CACNA2D3: variants seen among roughly 807,000 people sequenced by gnomAD.
CACNA2D3 encodes the protein calcium voltage-gated channel auxiliary subunit alpha2delta 3.
Under a neutral mutation model 160.6 loss-of-function variants are expected in CACNA2D3, and 60 were observed. The observed-to-expected ratio is 0.37, with a 90% confidence interval of 0.30 to 0.46. CACNA2D3 has a LOEUF of 0.46. Among genes scored for constraint, CACNA2D3 ranks in the 20% least tolerant of loss-of-function variants. The pLI is 1.00. For synonymous variants in CACNA2D3, 558 were observed against 492.9 expected, an observed-to-expected ratio of 1.13 and a Z score of -1.75; for missense variants, 1,205 against 1,365.0, an observed-to-expected ratio of 0.88 and a Z score of 1.85.
At chr3:54,944,250 A>G (rs114512436) in intron 27 of CACNA2D3, among the ~76,000 whole-genome samples, 2,173 of 152,138 alleles carry the variant, frequency 0.014, 52 homozygotes, top group African/African-American at 0.049. Flanking sequence ...TTAGAAATGC[A>G]TATCCTTCAG....
At chr3:54,134,079 T>C (rs1699769632) in intron 2 of CACNA2D3, among the ~76,000 whole-genome samples, 1 of 152,236 alleles carries the variant, frequency 6.6e-6, no homozygotes, top group African/African-American at 2.4e-5. Flanking sequence ...TTATTGGTGC[T>C]TATTTTTTTT....
chr3:54,802,195 G>C (rs1703006811), intron 13 of CACNA2D3, among the ~76,000 whole-genome samples: 1 of 152,122 alleles, frequency 6.6e-6, no homozygotes. Context: ...CACTCAATTA[G>C]GGATTATGGA....
At chr3:54,187,883 C>T (rs1321856853) in intron 2 of CACNA2D3, among the ~76,000 whole-genome samples, 3 of 152,144 alleles carry the variant, frequency 2.0e-5, no homozygotes, top group Non-Finnish European at 4.4e-5. Context: ...TGCCCCTGCT[C>T]TGTGGCCGGG....
At chr3:54,230,058 G>A (rs1309189249) in intron 2 of CACNA2D3, among the ~76,000 whole-genome samples, 7 of 149,706 alleles carry the variant, frequency 4.7e-5, no homozygotes, top group African/African-American at 1.5e-4. Flanking sequence ...TTAAGTTTAA[G>A]CAAAAAAGGA....
intron 9 of CACNA2D3, among the ~76,000 whole-genome samples, chr3:54,612,879 A>G (rs994391480): frequency 1.8e-4 from 27 of 152,222 alleles, no homozygotes; most frequent in African/African-American, 5.3e-4. Flanking sequence ...TATTACCCCC[A>G]CAGTCCTACA....
At chr3:54,301,794 A>T (rs374260065) in intron 2 of CACNA2D3, among the ~76,000 whole-genome samples, 3 of 152,270 alleles carry the variant, frequency 2.0e-5, no homozygotes, top group East Asian at 3.9e-4. Flanking sequence ...GGAGGAAGAG[A>T]GTAGATGATT....
chr3:54,468,064 G>A (rs368676137), intron 4 of CACNA2D3, among the ~76,000 whole-genome samples: 4 of 152,044 alleles, frequency 2.6e-5, no homozygotes, highest in African/African-American at 9.7e-5. Flanking sequence ...AATAATAGAA[G>A]TACTGCCTAG....
At chr3:54,354,784 G>A (rs1698621232) in intron 3 of CACNA2D3, among the ~76,000 whole-genome samples, 1 of 152,182 alleles carries the variant, frequency 6.6e-6, no homozygotes, top group African/African-American at 2.4e-5. Context: ...CTGAGCTTGA[G>A]TGGGATTCCA....
chr3:54,258,953 A>G (rs1275816595), intron 2 of CACNA2D3, among the ~76,000 whole-genome samples: 1 of 152,194 alleles, frequency 6.6e-6, no homozygotes. Context: ...TCTCTGCCAT[A>G]CTGGACTGAG....
chr3:54,146,150 C>G (rs1700026458), intron 2 of CACNA2D3, among the ~76,000 whole-genome samples: 1 of 152,320 alleles, frequency 6.6e-6, no homozygotes, highest in South Asian at 2.1e-4. Context: ...TTCCTGCAGC[C>G]TTGACTTCTG....
chr3:54,907,211 G>T (rs573346008), intron 27 of CACNA2D3, among the ~76,000 whole-genome samples: 6 of 152,174 alleles, frequency 3.9e-5, no homozygotes, highest in African/African-American at 1.4e-4. Context: ...GGACATAAAA[G>T]ACAGTGTGAA....
At chr3:54,679,439 A>C (rs1022864416) in intron 11 of CACNA2D3, among the ~76,000 whole-genome samples, 1 of 152,136 alleles carries the variant, frequency 6.6e-6, no homozygotes, top group African/African-American at 2.4e-5. Flanking sequence ...GCGACTGAGC[A>C]CTCCATATCC....
chr3:54,263,118 C>T (rs559885701), intron 2 of CACNA2D3, among the ~76,000 whole-genome samples: 1 of 152,268 alleles, frequency 6.6e-6, no homozygotes, highest in African/African-American at 2.4e-5. Flanking sequence ...ACAAATGAAG[C>T]ACATGCTATG....
intron 9 of CACNA2D3, among the ~76,000 whole-genome samples, chr3:54,622,228 G>T (rs1699003138): frequency 6.6e-6 from 1 of 152,168 alleles, no homozygotes; most frequent in African/African-American, 2.4e-5. Context: ...TTGGTAAATG[G>T]TATAACCAGC....
At chr3:54,185,863 C>T (rs963949959) in intron 2 of CACNA2D3, among the ~76,000 whole-genome samples, 2 of 152,198 alleles carry the variant, frequency 1.3e-5, no homozygotes, top group East Asian at 3.8e-4. Flanking sequence ...CCCTGCTGTT[C>T]CTCTGGAGGT....
At chr3:54,139,376 C>T (rs1699877730) in intron 2 of CACNA2D3, among the ~76,000 whole-genome samples, 1 of 152,248 alleles carries the variant, frequency 6.6e-6, no homozygotes, top group Non-Finnish European at 1.5e-5. Flanking sequence ...CACGCCTGCC[C>T]ACGCTCTGCA....
At chr3:54,128,524 C>G (rs1699643218) in intron 2 of CACNA2D3, among the ~76,000 whole-genome samples, 1 of 152,154 alleles carries the variant, frequency 6.6e-6, no homozygotes, top group Non-Finnish European at 1.5e-5. Flanking sequence ...AAGAAGTGTA[C>G]ATTTTCACGA....
At chr3:54,979,734 T>C (rs866727985) in intron 29 of CACNA2D3, among the ~76,000 whole-genome samples, 6 of 152,262 alleles carry the variant, frequency 3.9e-5, no homozygotes, top group African/African-American at 1.4e-4. Flanking sequence ...CCTGAAACTT[T>C]CTTCCTCTAT....
chr3:54,257,303 A>G (rs1210549453), intron 2 of CACNA2D3, among the ~76,000 whole-genome samples: 1 of 152,224 alleles, frequency 6.6e-6, no homozygotes, highest in Admixed American at 6.5e-5. Context: ...ATGTACGGCA[A>G]ATATCTGATT....
Sources: allele counts gnomAD v4.1 joint callset (sites outside exome capture counted in the v4.1 genomes callset), GRCh38; gene constraint gnomAD v4.1.1; transcripts MANE v1.5; gene names NCBI Gene and HGNC (gene_info 2026-07-23, HGNC 2026-07-21).